Variants in DHX35 observed in about 807,000 individuals in gnomAD.
DHX35 encodes probable ATP-dependent RNA helicase DHX35.
A neutral mutation model predicts 99.6 loss-of-function variants in DHX35; 84 were observed. The ratio of observed to expected loss-of-function variants is 0.84; its 90% CI spans 0.71 to 1.01. The LOEUF is 1.01. Ranked by LOEUF, DHX35 falls within the 50% of genes least tolerant of loss-of-function variation. The probability of loss-of-function intolerance (pLI) is 0.00; values close to 1 mark genes in which losing one functional copy is unlikely to be tolerated. For missense variants in DHX35, 852 were observed against 888.5 expected, an observed-to-expected ratio of 0.96 and a Z score of 0.52; for synonymous variants, 331 against 316.2, an observed-to-expected ratio of 1.05 and a Z score of -0.50.
chr20:39,017,741 G>C (rs920447603), intron 14 of DHX35, among the ~76,000 whole-genome samples: 1 of 152,172 alleles, frequency 6.6e-6, no homozygotes, highest in Admixed American at 6.5e-5. Context: ...AAGGGCAGGT[G>C]GGGAGTTGAA....
At chr20:39,006,391 C>T (rs1414774443) in intron 12 of DHX35, 35 bp downstream of exon 12, 1 of 1,601,962 alleles carries the variant, frequency 6.2e-7, no homozygotes, top group East Asian at 2.2e-5. Flanking sequence ...TTTTGACTTT[C>T]TTATAGTCAG....
At chr20:39,030,409 C>A in intron 19 of DHX35, 1 of 348,764 alleles carries the variant, frequency 2.9e-6, no homozygotes, top group Non-Finnish European at 5.2e-6. Flanking sequence ...TTTGAAAGAG[C>A]ACCTGCAGAA....
chr20:38,999,600 C>T (rs1320994651), intron 8 of DHX35, among the ~76,000 whole-genome samples: 1 of 152,230 alleles, frequency 6.6e-6, no homozygotes, highest in East Asian at 1.9e-4. Flanking sequence ...GTAAGAGTCA[C>T]TCTAGCCTTC....
chr20:39,026,767 G>A (rs532717142), intron 18 of DHX35, among the ~76,000 whole-genome samples: 1 of 152,282 alleles, frequency 6.6e-6, no homozygotes, highest in South Asian at 2.1e-4. Flanking sequence ...ACACTCACGA[G>A]AGAGGGAAGA....
At chr20:39,020,803 A>G (rs1031551626) in intron 15 of DHX35, among the ~76,000 whole-genome samples, 31 of 152,030 alleles carry the variant, frequency 2.0e-4, no homozygotes, top group African/African-American at 6.5e-4. Flanking sequence ...AGCTGGGATT[A>G]CAGGCATGTG....
chr20:38,992,604 CTG>C (rs10532229), intron 7 of DHX35, among the ~76,000 whole-genome samples, 179 bp downstream of exon 7: 46,398 of 148,698 alleles, frequency 0.31, 7,239 homozygotes, highest in East Asian at 0.44. Flanking sequence ...CTTCTCTTTT[CTG>C]TGTGTGTGTG....
intron 3 of DHX35, among the ~76,000 whole-genome samples, chr20:38,982,000 C>T (rs1322055967): frequency 4.0e-5 from 6 of 150,002 alleles, no homozygotes; most frequent in Middle Eastern, 3.5e-3. Context: ...CTCATTGCTA[C>T]GAGATGTCAT....
intron 17 of DHX35, 74 bp downstream of exon 17, chr20:39,023,841 A>G: frequency 7.7e-7 from 1 of 1,293,506 alleles, no homozygotes; most frequent in Non-Finnish European, 1.1e-6. Context: ...GGAGGATCCC[A>G]GAAGTTCAGT....
intron 14 of DHX35, 135 bp downstream of exon 14, chr20:39,015,069 T>TAAAGTATCATTAGGG: frequency 1.0e-6 from 1 of 991,338 alleles, no homozygotes; most frequent in Non-Finnish European, 1.5e-6. Context: ...ATCCCCCTAA[T>TAAAGTATCATTAGGG]GATACTTTAT....
chr20:38,988,417 G>A (rs973067285), intron 4 of DHX35, among the ~76,000 whole-genome samples: 1 of 152,128 alleles, frequency 6.6e-6, no homozygotes, highest in Non-Finnish European at 1.5e-5. Flanking sequence ...ATTGCTTGAG[G>A]TCAGGAGTTT....
At chr20:39,004,607 A>C (rs987311421) in intron 11 of DHX35, among the ~76,000 whole-genome samples, 1 of 152,190 alleles carries the variant, frequency 6.6e-6, no homozygotes, top group African/African-American at 2.4e-5. Flanking sequence ...GCCAAGTTTA[A>C]ATCAATTAAT....
chr20:38,997,594 C>T (rs2086450991), intron 8 of DHX35, among the ~76,000 whole-genome samples: 1 of 152,070 alleles, frequency 6.6e-6, no homozygotes, highest in Non-Finnish European at 1.5e-5. Context: ...TAAGCTGGGC[C>T]ATTCCTTCTT....
In DHX35 at chr20:39,031,333, CTTTTTTT is replaced by C. The variant is rs111833262; in HGVS notation, c.1955+570_1955+576del. On this transcript the variant is annotated intron_variant, in intron 20 of 21. Transcript: ENST00000252011. ...TGAATTGGGATCCCAGCTCACGGTT[CTTTTTTT>C]TTTTTTTTTTTGAGACAGAGTTTCG... Among the ~76,000 whole-genome samples the C allele has an allele frequency of 2.1e-4, 28 of 131,730 alleles. 1 individual carries two copies. Among genetic ancestry groups the C allele is most frequent in the African/African-American group, 7.7e-4 (28 of 36,340 alleles). 86.4% of individuals were successfully genotyped at this position (131,730 alleles called of 152,430 possible). A position where few individuals can be genotyped will look rare whatever the true frequency, so the allele number is the denominator to read the frequency against.
At chr20:39,001,621 T>A (rs2086521200) in intron 8 of DHX35, 109 bp from the exon 9 acceptor site, 1 of 742,006 alleles carries the variant, frequency 1.3e-6, no homozygotes, top group Non-Finnish European at 2.2e-6. Context: ...ACATATATAA[T>A]CTTGCTACTC....
In DHX35 at chr20:38,979,435, A is replaced by G. The variant is rs185850126; in HGVS notation, c.268-4264A>G. 8.3e-4 allele frequency among the ~76,000 whole-genome samples: 127 copies of G among 152,368 alleles called. 1 individual carries two copies. The highest frequency in any genetic ancestry group is 2.9e-3 in the African/African-American group (122 of 41,590). On this transcript the variant is annotated intron_variant, in intron 3 of 21. Coordinates refer to ENST00000252011, the MANE Select transcript of DHX35 (RefSeq NM_021931.4). ...TTTTAAAAATAGGAAATACATTTAC[A>G]TAGTACAAAATTCAAAAAGAACAAA...
At chr20:39,030,812 G>T (rs1172406460) in intron 20 of DHX35, 37 bp downstream of exon 20, 1 of 1,602,288 alleles carries the variant, frequency 6.2e-7, no homozygotes, top group Non-Finnish European at 8.5e-7. Flanking sequence ...TGCCTGCTTT[G>T]AACAGGGCCA....
intron 20 of DHX35, 43 bp from the exon 21 acceptor site, chr20:39,034,163 T>C: frequency 1.4e-6 from 2 of 1,461,822 alleles, no homozygotes; most frequent in Middle Eastern, 1.7e-4. Context: ...CTGACTGTCA[T>C]CACAAGAGGG....
At chr20:38,983,192 T>A (rs2086200020) in intron 3 of DHX35, among the ~76,000 whole-genome samples, 1 of 152,228 alleles carries the variant, frequency 6.6e-6, no homozygotes, top group Admixed American at 6.5e-5. Flanking sequence ...GTGCTGGGAT[T>A]ACCGGCATGA....
intron 4 of DHX35, among the ~76,000 whole-genome samples, chr20:38,985,970 T>A (rs1255172336): frequency 6.6e-6 from 1 of 152,230 alleles, no homozygotes; most frequent in Non-Finnish European, 1.5e-5. Flanking sequence ...GTAGTGAGTA[T>A]GCTTGTTGAA....
Sources: allele counts gnomAD v4.1 joint callset (sites outside exome capture counted in the v4.1 genomes callset), GRCh38; gene constraint gnomAD v4.1.1; transcripts MANE v1.5; gene names NCBI Gene and HGNC (gene_info 2026-07-23, HGNC 2026-07-21).